The following PPP1R1C variants were observed in gnomAD, a reference collection of about 807,000 sequenced individuals.
PPP1R1C encodes protein phosphatase 1 regulatory subunit 1C.
In PPP1R1C, 15 loss-of-function variants were observed where a neutral mutation model predicts 17.4. The ratio of observed to expected loss-of-function variants is 0.86; its 90% confidence interval spans 0.58 to 1.33. The LOEUF (loss-of-function observed/expected upper bound fraction) is 1.33. Among genes scored for constraint, PPP1R1C ranks in the 40% most tolerant of loss-of-function variants. PPP1R1C has a pLI of 0.00. For missense variants in PPP1R1C, 143 were observed against 130.0 expected, an observed-to-expected ratio of 1.10 and a Z score of -0.48; for synonymous variants, 35 against 43.1, an observed-to-expected ratio of 0.81 and a Z score of 0.73.
At chr2:181,991,114 C>T (rs1574357844) in intron 2 of PPP1R1C, among the ~76,000 whole-genome samples, 1 of 150,182 alleles carries the variant, frequency 6.7e-6, no homozygotes, top group South Asian at 2.1e-4. Flanking sequence ...ACATAGCTTG[C>T]TTTTTTTTTT....
chr2:182,128,836 C>G (rs970439965), intron 5 of PPP1R1C: 1 of 152,074 alleles, frequency 6.6e-6, no homozygotes, highest in Non-Finnish European at 1.5e-5. Flanking sequence ...ATAATTGACT[C>G]TATCCTAGCA....
chr2:182,089,709 G>T (rs62192119), intron 4 of PPP1R1C, among the ~76,000 whole-genome samples: 1,657 of 152,124 alleles, frequency 0.011, 11 homozygotes, highest in Middle Eastern at 0.025. Context: ...TAACTAGAGG[G>T]TAGTTTCCTT....
At chr2:182,067,300 C>T (rs537914721) in intron 4 of PPP1R1C, among the ~76,000 whole-genome samples, 1 of 152,022 alleles carries the variant, frequency 6.6e-6, no homozygotes, top group South Asian at 2.1e-4. Flanking sequence ...AGCATTTTAA[C>T]ACTGAAGCTT....
intron 4 of PPP1R1C, among the ~76,000 whole-genome samples, chr2:182,078,707 G>A (rs1390662559): frequency 6.6e-6 from 1 of 152,196 alleles, no homozygotes; most frequent in East Asian, 1.9e-4. Context: ...TCTTCTTCCA[G>A]TTATTTAACC....
chr2:182,119,704 C>G (rs1469715256), downstream of PPP1R1C, among the ~76,000 whole-genome samples: 4 of 152,170 alleles, frequency 2.6e-5, no homozygotes, highest in African/African-American at 9.7e-5. Context: ...TAAATGTCTT[C>G]TTTTGAGAAG....
chr2:181,966,543 T>C (rs1045320898), intron 1 of PPP1R1C, among the ~76,000 whole-genome samples: 1 of 152,226 alleles, frequency 6.6e-6, no homozygotes, highest in Non-Finnish European at 1.5e-5. Flanking sequence ...ATCAAATGCA[T>C]TTTCAGCATC....
chr2:182,079,788 G>C (rs1023136395), intron 4 of PPP1R1C, among the ~76,000 whole-genome samples: 1 of 152,168 alleles, frequency 6.6e-6, no homozygotes, highest in African/African-American at 2.4e-5. Context: ...GCCTCTTCCA[G>C]TTTCTGGTGG....
intron 1 of PPP1R1C, among the ~76,000 whole-genome samples, chr2:181,987,445 G>A (rs1281184289): frequency 6.6e-6 from 1 of 152,110 alleles, no homozygotes; most frequent in Non-Finnish European, 1.5e-5. Context: ...AGGTTTCCAA[G>A]CTCTTCCTTA....
chr2:182,046,740 GAA>G (rs1213076126), intron 2 of PPP1R1C, among the ~76,000 whole-genome samples: 2 of 89,754 alleles, frequency 2.2e-5, no homozygotes. Context: ...TCTGTCTCAA[GAA>G]AAAAAAAAAA....
chr2:182,117,408 C>G lies in PPP1R1C; in HGVS notation c.*113C>G, dbSNP rs1689621350. ...CAGAAGCATCCTCCATCTCTGCACC[C>G]CACACTCATACAGTAGCTATGCACA... On this transcript the variant is annotated 3_prime_UTR_variant, in exon 5 of 5. Transcript: ENST00000682840. The G allele has an allele frequency of 1.4e-6, 1 of 721,002 alleles. No homozygotes were observed. The highest frequency in any genetic ancestry group is 2.8e-5 in the Admixed American group (1 of 35,820). The allele number at this position is 721,002 out of a possible 1,614,324, so 44.7% of individuals were successfully genotyped here.
chr2:182,043,018 TA>T (rs1390634949), intron 2 of PPP1R1C, among the ~76,000 whole-genome samples: 12 of 152,344 alleles, frequency 7.9e-5, no homozygotes, highest in Non-Finnish European at 1.2e-4. Flanking sequence ...AAAAAATATG[TA>T]AGCAACTGCA....
chr2:182,077,526 C>G (rs913527558), intron 4 of PPP1R1C, among the ~76,000 whole-genome samples: 2 of 152,120 alleles, frequency 1.3e-5, no homozygotes, highest in African/African-American at 4.8e-5. Flanking sequence ...GCTTTTCAGA[C>G]AGGCATTTTA....
chr2:182,024,564 T>G (rs933377359), intron 2 of PPP1R1C, among the ~76,000 whole-genome samples: 3 of 152,174 alleles, frequency 2.0e-5, no homozygotes, highest in African/African-American at 7.2e-5. Flanking sequence ...TATCTTTTTG[T>G]TCATTAAATT....
In PPP1R1C at chr2:182,113,162, T is replaced by A. The variant is rs1483575720; in HGVS notation, c.242-4045T>A. Among the ~76,000 whole-genome samples, 3 of 152,208 alleles carry A rather than the reference T, an allele frequency of 2.0e-5. No individual in the cohort carries two copies. The East Asian group carries it at 5.8e-4, about 29-fold the overall frequency. ...TTGAACATGTACAGTGATGAGGAACTCACTCATTTGTTTATTTCTGGGCAA... is the reference window on the plus strand; with the variant it reads ...TTGAACATGTACAGTGATGAGGAACACACTCATTTGTTTATTTCTGGGCAA... On this transcript the variant is annotated intron_variant, in intron 4 of 4. Coordinates refer to ENST00000682840, the MANE Select transcript of PPP1R1C (RefSeq NM_001080545.3).
At chr2:182,062,835 A>C (rs1373785526) in intron 3 of PPP1R1C, among the ~76,000 whole-genome samples, 1 of 152,108 alleles carries the variant, frequency 6.6e-6, no homozygotes, top group Non-Finnish European at 1.5e-5. Flanking sequence ...ATCTTCAAAA[A>C]GTATGTTGTA....
chr2:181,991,579 C>T (rs1423874954), intron 2 of PPP1R1C, among the ~76,000 whole-genome samples: 4 of 152,070 alleles, frequency 2.6e-5, no homozygotes, highest in Non-Finnish European at 5.9e-5. Flanking sequence ...CTAGGAATAA[C>T]TCTCAACAGT....
chr2:182,093,978 C>T (rs376331095), intron 4 of PPP1R1C, among the ~76,000 whole-genome samples: 30 of 152,286 alleles, frequency 2.0e-4, no homozygotes, highest in East Asian at 5.8e-4. Context: ...ATCTGTTTAG[C>T]GGTGCACCAC....
intron 2 of PPP1R1C, among the ~76,000 whole-genome samples, chr2:182,048,096 A>C (rs901072084): frequency 6.6e-6 from 1 of 152,200 alleles, no homozygotes; most frequent in African/African-American, 2.4e-5. Context: ...ATGGAAAGCT[A>C]TAAATAATAT....
intron 1 of PPP1R1C, among the ~76,000 whole-genome samples, chr2:181,965,370 C>T (rs1279479398): frequency 1.3e-5 from 2 of 152,124 alleles, no homozygotes; most frequent in East Asian, 3.9e-4. Flanking sequence ...GAAATCTTTG[C>T]CCACTCCAAT....
Sources: gnomAD v4.1 joint callset for allele counts (sites outside exome capture counted in the v4.1 genomes callset) on GRCh38, gnomAD v4.1.1 for gene constraint, MANE v1.5 for transcripts, NCBI Gene and HGNC (gene_info 2026-07-23, HGNC 2026-07-21) for gene names.